Variants in FARP2 observed in about 807,000 individuals in gnomAD.
The protein encoded by FARP2 is FERM, ARHGEF and pleckstrin domain-containing protein 2.
A neutral mutation model predicts 130.5 loss-of-function variants in FARP2; 111 were observed. The observed-to-expected ratio is 0.85, with a 90% CI of 0.73 to 1.00. The LOEUF is 1.00. Among genes scored for constraint, FARP2 ranks in the 50% least tolerant of loss-of-function variants. FARP2 has a pLI of 0.00. For synonymous variants in FARP2, 504 were observed against 516.9 expected, an observed-to-expected ratio of 0.98 and a Z score of 0.34; for missense variants, 1,385 against 1,346.3, an observed-to-expected ratio of 1.03 and a Z score of -0.45.
intron 18 of FARP2, chr2:241,471,493 T>TTTTC (rs2064304910): frequency 7.6e-6 from 1 of 131,716 alleles, no homozygotes; most frequent in African/African-American, 2.9e-5. Context: ...CTTTTTTTTT[T>TTTTC]TTTTTTTTTT....
intron 1 of FARP2, chr2:241,372,877 G>A (rs957793148): frequency 2.9e-5 from 9 of 309,712 alleles, no homozygotes; most frequent in African/African-American, 1.7e-4. Flanking sequence ...TATTGAGGGT[G>A]GTGCTTGTTA....
intron 24 of FARP2, among the ~76,000 whole-genome samples, 161 bp downstream of exon 24, chr2:241,491,840 C>T (rs917711878): frequency 2.0e-5 from 3 of 152,154 alleles, no homozygotes; most frequent in Non-Finnish European, 2.9e-5. Flanking sequence ...ATGGAAAGTG[C>T]CCCTCATCCA....
Position 241,482,823 on chromosome 2 carries a change from C to T in FARP2, c.2263-642C>T, listed in dbSNP as rs2064649800. The stretch of plus-strand genomic sequence containing the variant: ...CCAGGTTAGGAATCTGAGGGGCTCC[C>T]AGGACTCTCGCTTACCCTATCTGCG... On this transcript the variant is annotated intron_variant, in intron 19 of 26. Coordinates refer to ENST00000264042, the MANE Select transcript of FARP2 (RefSeq NM_014808.4). The surrounding 1 kb of genome is among the most constrained non-coding windows in gnomAD (Gnocchi z 4.6). 6.6e-6 allele frequency among the ~76,000 whole-genome samples: 1 copy of T among 152,130 alleles called. No homozygotes were observed. The highest frequency in any genetic ancestry group is 2.1e-4 in the South Asian group (1 of 4,820).
intron 17 of FARP2, chr2:241,466,659 GC>G (rs2064178072): frequency 1.5e-5 from 14 of 962,336 alleles, no homozygotes; most frequent in Non-Finnish European, 1.7e-5. Flanking sequence ...CAGGCAGCGG[GC>G]CAGCCCCGCC....
Position 241,456,900 on chromosome 2 carries a change from A to G in FARP2, c.1565A>G (p.Asp522Gly), listed in dbSNP as rs749622837. 2 of 1,605,178 alleles carry G rather than the reference A, an allele frequency of 1.2e-6. No homozygotes were observed. Among genetic ancestry groups the G allele is most frequent in the African/African-American group, 2.7e-5 (2 of 74,594 alleles). Residue 522 changes from aspartate to glycine, a missense_variant, in exon 14 of 27, where the codon GAC becomes GGC. Coordinates refer to ENST00000264042, the MANE Select transcript of FARP2 (RefSeq NM_014808.4). ...VLSDAGGAGM[D>G]CEEPRHKRVP... is the part of the protein sequence containing the mutation. ...AGTGATGCTGGCGGAGCCGGGATGG[A>G]CTGCGAGGAGCCCAGACACAAGGTG...
chr2:241,388,310 G>A (rs2061835193), intron 2 of FARP2, among the ~76,000 whole-genome samples: 1 of 152,198 alleles, frequency 6.6e-6, no homozygotes, highest in South Asian at 2.1e-4. Context: ...CAAAAAGAAT[G>A]TCAAGACAAT....
chr2:241,483,354 G>C, intron 19 of FARP2, 111 bp from the exon 20 acceptor site: 5 of 871,570 alleles, frequency 5.7e-6, no homozygotes, highest in Non-Finnish European at 9.6e-6. Flanking sequence ...TCATTGGGAG[G>C]AGCCAGAGGA....
chr2:241,383,400 C>G lies in FARP2; in HGVS notation c.183+10110C>G, dbSNP rs534421180. On this transcript the variant is annotated intron_variant, in intron 2 of 26. Transcript: ENST00000264042. ...TGTGGTGGGAGGGGCCGGCACAGAT[C>G]TCTGTTCTTGAGAACAGTGTTCAGG... Among the ~76,000 whole-genome samples, 6 of 152,352 alleles carry G rather than the reference C, an allele frequency of 3.9e-5. 1 individual carries two copies. The South Asian group carries it at 1.2e-3, about 32-fold the overall frequency.
chr2:241,406,748 G>A (rs1420293301), intron 4 of FARP2, among the ~76,000 whole-genome samples: 1 of 152,076 alleles, frequency 6.6e-6, no homozygotes, highest in East Asian at 1.9e-4. Context: ...ACAGATGTGA[G>A]CCACTGCACC....
At chr2:241,409,258 TAAAG>T (rs2062452652) in intron 5 of FARP2, among the ~76,000 whole-genome samples, 1 of 152,030 alleles carries the variant, frequency 6.6e-6, no homozygotes, top group African/African-American at 2.4e-5. Context: ...TTTTTCCAAA[TAAAG>T]CTAAGGGCCA....
chr2:241,465,433 T>C, intron 17 of FARP2: 1 of 1,540,730 alleles, frequency 6.5e-7, no homozygotes, highest in Non-Finnish European at 8.8e-7. Context: ...CCACCTTGGC[T>C]GCTAGGCTCA....
intron 2 of FARP2, among the ~76,000 whole-genome samples, chr2:241,380,730 A>T (rs2061641678): frequency 6.6e-6 from 1 of 151,670 alleles, no homozygotes; most frequent in Non-Finnish European, 1.5e-5. Context: ...TGGGATGCTC[A>T]ACCCATACTA....
chr2:241,468,096 C>T (rs1266198089), intron 17 of FARP2, 44 bp from the exon 18 acceptor site: 2 of 1,303,210 alleles, frequency 1.5e-6, no homozygotes, highest in South Asian at 1.2e-5. Flanking sequence ...CCCCTGGACT[C>T]CTACATCTCC....
chr2:241,474,236 G>A (rs2064392285), intron 18 of FARP2, among the ~76,000 whole-genome samples: 1 of 149,306 alleles, frequency 6.7e-6, no homozygotes, highest in East Asian at 2.0e-4. Context: ...AACCCGGGAG[G>A]CGGAGCTGAG....
At chr2:241,412,784 T>C (rs1398439776) in intron 6 of FARP2, among the ~76,000 whole-genome samples, 1 of 152,142 alleles carries the variant, frequency 6.6e-6, no homozygotes, top group Non-Finnish European at 1.5e-5. Context: ...CCCAGCACAT[T>C]TGGGAGGCCA....
At chr2:241,489,133 T>G (rs1178731429) in intron 21 of FARP2, 1 of 152,210 alleles carries the variant, frequency 6.6e-6, no homozygotes. Context: ...TTGATTCAGA[T>G]TTTTGATGTC....
At chr2:241,394,627 T>C (rs1484837419) in intron 2 of FARP2, among the ~76,000 whole-genome samples, 3 of 152,186 alleles carry the variant, frequency 2.0e-5, no homozygotes, top group Admixed American at 6.5e-5. Flanking sequence ...ATACAAATTA[T>C]GGAGAGTGAA....
intron 2 of FARP2, 63 bp downstream of exon 2, chr2:241,373,353 A>G: frequency 8.4e-7 from 1 of 1,183,498 alleles, no homozygotes; most frequent in Non-Finnish European, 1.1e-6. Flanking sequence ...ATTATGTACC[A>G]AATTCCATTT....
chr2:241,375,405 TG>T (rs2061513834), intron 2 of FARP2, among the ~76,000 whole-genome samples: 1 of 151,742 alleles, frequency 6.6e-6, no homozygotes, highest in Non-Finnish European at 1.5e-5. Flanking sequence ...ACTTTTAGAG[TG>T]TCTTTTTTTT....
Sources: gnomAD v4.1 joint callset for allele counts (sites outside exome capture counted in the v4.1 genomes callset) on GRCh38, gnomAD v4.1.1 for gene constraint, Gnocchi (gnomAD v3.1) non-coding constraint, MANE v1.5 for transcripts, NCBI Gene and HGNC (gene_info 2026-07-23, HGNC 2026-07-21) for gene names.